Variants in ALDH7A1 observed in about 807,000 individuals in gnomAD.
ALDH7A1 encodes the protein alpha-aminoadipic semialdehyde dehydrogenase.
A neutral mutation model predicts 79.9 loss-of-function variants in ALDH7A1; 63 were observed. The observed-to-expected ratio is 0.79, with a 90% CI of 0.64 to 0.97. The LOEUF (loss-of-function observed/expected upper bound fraction) is 0.97, where lower values mean the gene tolerates loss of function less well. Ranked by LOEUF, ALDH7A1 falls within the 50% of genes least tolerant of loss-of-function variation. The probability of loss-of-function intolerance (pLI) is 0.00; values close to 1 mark genes in which losing one functional copy is unlikely to be tolerated. For synonymous variants in ALDH7A1, 240 were observed against 231.2 expected, an observed-to-expected ratio of 1.04 and a Z score of -0.34; for missense variants, 627 against 665.2, an observed-to-expected ratio of 0.94 and a Z score of 0.63.
chr5:126,557,238 T>C (rs551865850), intron 11 of ALDH7A1, among the ~76,000 whole-genome samples: 18 of 152,284 alleles, frequency 1.2e-4, no homozygotes, highest in Non-Finnish European at 2.4e-4. Context: ...ATGTCAGCTG[T>C]GTAAAAATAA....
At chr5:126,592,532 G>T (rs1386464081) in intron 3 of ALDH7A1, 132 bp downstream of exon 3, 4 of 878,586 alleles carry the variant, frequency 4.6e-6, no homozygotes, top group Admixed American at 4.0e-5. Flanking sequence ...CCCTAGTACA[G>T]TATCACAGCC....
At chr5:126,559,161 G>T in intron 11 of ALDH7A1, 79 bp downstream of exon 11, 1 of 1,214,090 alleles carries the variant, frequency 8.2e-7, no homozygotes, top group East Asian at 2.4e-5. Flanking sequence ...CAGTATTGCT[G>T]ACACCTCTCT....
At chr5:126,567,952 T>G in intron 9 of ALDH7A1, 1 of 341,908 alleles carries the variant, frequency 2.9e-6, no homozygotes, top group Non-Finnish European at 5.7e-6. Context: ...CCCCGCTAAT[T>G]TTTTGTATTT....
At position 126,549,977 on chromosome 5, in the gene ALDH7A1, C is replaced by A. The variant is rs796052264; in HGVS notation, c.1441G>T (p.Val481Leu). 4.3e-6 allele frequency: 7 copies of A among 1,614,106 alleles called. No homozygotes were observed. Among genetic ancestry groups the A allele is most frequent in the Non-Finnish European group, 5.9e-6 (7 of 1,180,008 alleles). ...LGPKGSDCGI[V>L]NVNIPTSGAE... ...CCACTTGTTGGAATGTTGACATTTACAATGCCACAGTCTGATCCTTTAGGT... is the reference window on the plus strand; with the variant it reads ...CCACTTGTTGGAATGTTGACATTTAAAATGCCACAGTCTGATCCTTTAGGT... Residue 481 changes from valine (V) to leucine (L), a missense_variant, in exon 16 of 18, where the codon GTA becomes TTA. Val to Leu is a conservative substitution (Grantham distance 32). Coordinates refer to ENST00000409134, the MANE Select transcript of ALDH7A1 (RefSeq NM_001182.5).
At position 126,577,092 on chromosome 5, in the gene ALDH7A1, T is replaced by C. The variant is rs1201902715; in HGVS notation, c.637A>G (p.Asn213Asp). The C allele has an allele frequency of 1.2e-6, 2 of 1,614,102 alleles. No homozygotes were observed. The highest frequency in any genetic ancestry group is 1.7e-6 in the Non-Finnish European group (2 of 1,180,022). The stretch of plus-strand genomic sequence containing the variant: ...AGCAGGTCTTACCAGAGGCAGACAT[T>C]TCCACAGATCATGGCGATGGCGTTG... Reference protein sequence around the residue: ...WNNAIAMICGNVCLWKGAPTT... With the variant: ...WNNAIAMICGDVCLWKGAPTT... The change falls in exon 6 of 18, where the codon AAT (asparagine) becomes GAT (aspartate). Residue 213 changes from asparagine to aspartate, a missense_variant. Asn to Asp is a conservative substitution (Grantham distance 23). Coordinates refer to ENST00000409134, the MANE Select transcript of ALDH7A1 (RefSeq NM_001182.5).
At chr5:126,565,060 T>C (rs1263662224) in intron 9 of ALDH7A1, among the ~76,000 whole-genome samples, 1 of 152,088 alleles carries the variant, frequency 6.6e-6, no homozygotes, top group Admixed American at 6.6e-5. Flanking sequence ...GTGGGACTAA[T>C]GATGTTGAGA....
chr5:126,593,266 T>C lies in ALDH7A1; in HGVS notation c.246+85A>G, dbSNP rs983805551. 9.5e-6 allele frequency: 15 copies of C among 1,575,382 alleles called. No individual in the cohort carries two copies. The African/African-American group carries it at 1.6e-4, about 17-fold the overall frequency. On this transcript the variant is annotated intron_variant, in intron 2 of 17. Transcript: ENST00000409134. Reference sequence around the variant, plus strand: ...GACCTGCCTAACTGGCTTCTGCCTCTAAAGAAAGCCTGCACAAACTCCTTG... The same window carrying C: ...GACCTGCCTAACTGGCTTCTGCCTCCAAAGAAAGCCTGCACAAACTCCTTG...
chr5:126,573,428 G>A (rs549855191), intron 7 of ALDH7A1, among the ~76,000 whole-genome samples: 24 of 151,972 alleles, frequency 1.6e-4, no homozygotes, highest in Non-Finnish European at 3.4e-4. Flanking sequence ...AGCTGGGCAC[G>A]GTGGCTCACA....
At chr5:126,582,352 G>A (rs1481005669) in intron 5 of ALDH7A1, among the ~76,000 whole-genome samples, 2 of 152,098 alleles carry the variant, frequency 1.3e-5, no homozygotes, top group South Asian at 2.1e-4. Flanking sequence ...AAATCCTCCC[G>A]TAAAAGTGTG....
rs74290618 is a variant in ALDH7A1, at chr5:126,575,986, G to T, written c.651-522C>A. ...GGCTAAAGAATTGTGGACAGGCAGG[G>T]CGCGGTGGCTCACGCCTGTAATCCC... On this transcript the variant is annotated intron_variant, in intron 6 of 17. Coordinates refer to ENST00000409134, the MANE Select transcript of ALDH7A1 (RefSeq NM_001182.5). Among the ~76,000 whole-genome samples the T allele has an allele frequency of 9.4e-3, 1,429 of 152,286 alleles. 22 individuals are homozygous for T. Among genetic ancestry groups the T allele is most frequent in the East Asian group, 0.049 (252 of 5,182 alleles).
intron 11 of ALDH7A1, among the ~76,000 whole-genome samples, chr5:126,558,235 C>A (rs1020818255): frequency 1.3e-5 from 2 of 148,854 alleles, no homozygotes; most frequent in African/African-American, 4.9e-5. Context: ...ATAGTATAGT[C>A]TTTTAGTACC....
At chr5:126,563,500 T>C (rs1296775253) in intron 9 of ALDH7A1, among the ~76,000 whole-genome samples, 2 of 152,062 alleles carry the variant, frequency 1.3e-5, no homozygotes, top group Non-Finnish European at 2.9e-5. Context: ...AATGCCATTC[T>C]TTTTTTTCAG....
chr5:126,594,438 A>AT (rs34684581), intron 1 of ALDH7A1: 41,170 of 184,312 alleles, frequency 0.22, 3,286 homozygotes, highest in African/African-American at 0.26. Flanking sequence ...TAAGGTTTTA[A>AT]TTTTTTTTTT....
At chr5:126,545,126 T>G (rs1043688860) in intron 17 of ALDH7A1, 107 bp from the exon 18 acceptor site, 113 of 831,054 alleles carry the variant, frequency 1.4e-4, no homozygotes, top group Non-Finnish European at 1.9e-4. Context: ...AGGCAAGATC[T>G]CCAAGTTACA....
intron 17 of ALDH7A1, among the ~76,000 whole-genome samples, chr5:126,546,001 A>G (rs34069611): frequency 0.15 from 22,864 of 151,994 alleles, 2,058 homozygotes; most frequent in East Asian, 0.29. Flanking sequence ...TAATCTCAGC[A>G]CTTTGGGAGG....
chr5:126,546,045 C>T (rs566617720), intron 17 of ALDH7A1, among the ~76,000 whole-genome samples: 51 of 152,178 alleles, frequency 3.4e-4, no homozygotes, highest in African/African-American at 1.1e-3. Flanking sequence ...GTCGGGAGTT[C>T]GAGACCAGCC....
At chr5:126,572,024 T>A (rs1280818429) in intron 7 of ALDH7A1, among the ~76,000 whole-genome samples, 1 of 152,230 alleles carries the variant, frequency 6.6e-6, no homozygotes, top group Non-Finnish European at 1.5e-5. Flanking sequence ...ACTACTTAAA[T>A]CTGATTTTGA....
chr5:126,561,244 C>T (rs774250789), intron 9 of ALDH7A1, 120 bp from the exon 10 acceptor site: 17 of 751,660 alleles, frequency 2.3e-5, no homozygotes, highest in Non-Finnish European at 3.4e-5. Context: ...TTTTATATAG[C>T]CTATCCCAAT....
chr5:126,563,383 T>C (rs1750465507), intron 9 of ALDH7A1, among the ~76,000 whole-genome samples: 1 of 152,220 alleles, frequency 6.6e-6, no homozygotes, highest in Admixed American at 6.5e-5. Flanking sequence ...AAATTTTATT[T>C]AGCTGTTTCT....
Sources: allele counts gnomAD v4.1 joint callset (sites outside exome capture counted in the v4.1 genomes callset), GRCh38; gene constraint gnomAD v4.1.1; transcripts MANE v1.5; gene names NCBI Gene and HGNC (gene_info 2026-07-23, HGNC 2026-07-21).